Variants in PLXDC2 observed in about 807,000 individuals in gnomAD.
PLXDC2 encodes plexin domain-containing protein 2.
A neutral mutation model predicts 68.9 loss-of-function variants in PLXDC2; 40 were observed. That is an observed-to-expected ratio of 0.58 (90% CI 0.45 to 0.76). PLXDC2 has a LOEUF of 0.76. PLXDC2 is among the 30% of genes least tolerant of loss of function. The probability of loss-of-function intolerance (pLI) is 0.00; values close to 1 mark genes in which losing one functional copy is unlikely to be tolerated. For missense variants in PLXDC2, 644 were observed against 661.9 expected (o/e 0.97, Z 0.30); for synonymous variants, 243 against 234.2 (o/e 1.04, Z -0.34).
At chr10:20,169,664 T>C (rs1436627575) in intron 7 of PLXDC2, among the ~76,000 whole-genome samples, 1 of 152,178 alleles carries the variant, frequency 6.6e-6, no homozygotes, top group Non-Finnish European at 1.5e-5. Context: ...CTTTCCGAGC[T>C]TAATGAGCTT....
intron 6 of PLXDC2, among the ~76,000 whole-genome samples, chr10:20,156,526 C>G (rs1438339122): frequency 6.6e-6 from 1 of 152,160 alleles, no homozygotes; most frequent in Non-Finnish European, 1.5e-5. Context: ...TGAATTTCTT[C>G]TCTTACCCAA....
At chr10:20,032,452 T>A (rs1390205100) in intron 2 of PLXDC2, among the ~76,000 whole-genome samples, 1 of 152,098 alleles carries the variant, frequency 6.6e-6, no homozygotes. Flanking sequence ...ATGATTAGAT[T>A]TCTGGTTTAA....
chr10:20,265,204 G>T (rs954716000), intron 13 of PLXDC2, among the ~76,000 whole-genome samples: 1 of 152,168 alleles, frequency 6.6e-6, no homozygotes, highest in Non-Finnish European at 1.5e-5. Context: ...GAGGAACTCT[G>T]CCAATGTTCT....
chr10:19,936,757 G>A (rs753438251), intron 1 of PLXDC2, among the ~76,000 whole-genome samples: 1 of 152,132 alleles, frequency 6.6e-6, no homozygotes, highest in African/African-American at 2.4e-5. Context: ...CTCCCACCAC[G>A]ATCATTTGCC....
chr10:20,171,407 G>A (rs1834444168), intron 7 of PLXDC2, among the ~76,000 whole-genome samples: 2 of 152,126 alleles, frequency 1.3e-5, no homozygotes, highest in Non-Finnish European at 2.9e-5. Context: ...TTCATTAGGT[G>A]CTTACATTCT....
At chr10:20,248,475 G>A (rs142376366) in intron 13 of PLXDC2, among the ~76,000 whole-genome samples, 1 of 152,310 alleles carries the variant, frequency 6.6e-6, no homozygotes, top group East Asian at 1.9e-4. Context: ...ATAGTTCTAA[G>A]AATAACTCTT....
chr10:20,048,541 A>G (rs911539636), intron 3 of PLXDC2, among the ~76,000 whole-genome samples: 3 of 152,130 alleles, frequency 2.0e-5, no homozygotes, highest in African/African-American at 7.2e-5. Context: ...CAACCTTCCT[A>G]CTATGGCATT....
At chr10:20,082,054 AAAAAAAAATC>A (rs1221462521) in intron 4 of PLXDC2, among the ~76,000 whole-genome samples, 2 of 142,038 alleles carry the variant, frequency 1.4e-5, no homozygotes, top group African/African-American at 5.3e-5. Context: ...TGAAAAAAAA[AAAAAAAAATC>A]AAAAAAAAAA....
At chr10:20,207,417 G>T (rs536019129) in intron 9 of PLXDC2, among the ~76,000 whole-genome samples, 22 of 152,256 alleles carry the variant, frequency 1.4e-4, no homozygotes, top group African/African-American at 4.8e-4. Flanking sequence ...GCACCGTCTT[G>T]TTAAAATATA....
At chr10:20,102,851 G>T (rs574266694) in intron 4 of PLXDC2, among the ~76,000 whole-genome samples, 58 of 152,284 alleles carry the variant, frequency 3.8e-4, no homozygotes, top group African/African-American at 1.3e-3. Context: ...TAAAGCCACG[G>T]GATAGGACAA....
At chr10:19,853,988 C>T (rs1837168219) in intron 1 of PLXDC2, among the ~76,000 whole-genome samples, 1 of 152,126 alleles carries the variant, frequency 6.6e-6, no homozygotes, top group African/African-American at 2.4e-5. Context: ...CAGACCTGGG[C>T]ACCGGAGGTG....
At chr10:19,968,210 C>G (rs953471019) in intron 1 of PLXDC2, among the ~76,000 whole-genome samples, 2 of 152,130 alleles carry the variant, frequency 1.3e-5, no homozygotes, top group Non-Finnish European at 2.9e-5. Context: ...GACAGTGAAC[C>G]CTGTTCAAAT....
At chr10:20,261,871 A>T (rs1835812808) in intron 13 of PLXDC2, among the ~76,000 whole-genome samples, 1 of 152,122 alleles carries the variant, frequency 6.6e-6, no homozygotes, top group Non-Finnish European at 1.5e-5. Context: ...TAATAATAAT[A>T]ATAGAGCAAA....
intron 7 of PLXDC2, among the ~76,000 whole-genome samples, chr10:20,170,701 T>G (rs1040177883): frequency 2.0e-5 from 3 of 152,122 alleles, no homozygotes; most frequent in African/African-American, 7.2e-5. Context: ...TAGCCACATG[T>G]GGCTACTATG....
chr10:20,274,090 G>C (rs1191627955), intron 13 of PLXDC2, among the ~76,000 whole-genome samples: 2 of 151,252 alleles, frequency 1.3e-5, no homozygotes, highest in African/African-American at 4.9e-5. Context: ...GGGGAGGGGA[G>C]AGGAGGAAAG....
chr10:19,837,395 AGAGAGAGAGAGAGAGTGTGTGTGTGT>A (rs1836816039), intron 1 of PLXDC2, among the ~76,000 whole-genome samples: 1 of 95,498 alleles, frequency 1.0e-5, no homozygotes, highest in Non-Finnish European at 2.2e-5. Flanking sequence ...TGAGAGAGAG[AGAGAGAGAGAGAGAGTGTGTGTGTGT>A]GTGTGTGTGT....
chr10:19,833,880 T>TA (rs1256752664), intron 1 of PLXDC2, among the ~76,000 whole-genome samples: 1 of 150,300 alleles, frequency 6.7e-6, no homozygotes, highest in East Asian at 1.9e-4. Context: ...AATGTCAAAA[T>TA]AAAAAATGCA....
At chr10:20,126,450 T>C (rs140908563) in intron 4 of PLXDC2, among the ~76,000 whole-genome samples, 10,208 of 32,276 alleles carry the variant, frequency 0.32, 3,296 homozygotes, top group Middle Eastern at 0.54. Flanking sequence ...ACGTTATATA[T>C]GTATATACAA....
intron 1 of PLXDC2, among the ~76,000 whole-genome samples, chr10:19,934,300 A>G (rs1043978140): frequency 6.6e-6 from 1 of 152,248 alleles, no homozygotes; most frequent in Non-Finnish European, 1.5e-5. Flanking sequence ...ATAAGTAAAG[A>G]GTTGAAAAGT....
Sources: allele counts gnomAD v4.1 joint callset (sites outside exome capture counted in the v4.1 genomes callset), GRCh38; gene constraint gnomAD v4.1.1; transcripts MANE v1.5; gene names NCBI Gene and HGNC (gene_info 2026-07-23, HGNC 2026-07-21).